Variants in PTPRT observed in about 807,000 individuals in gnomAD.
PTPRT encodes the protein protein tyrosine phosphatase receptor type T, also known as receptor-type tyrosine-protein phosphatase T.
In PTPRT, 56 loss-of-function variants were observed where a neutral mutation model predicts 176.8. The ratio of observed to expected loss-of-function variants is 0.32; its 90% confidence interval spans 0.26 to 0.40. PTPRT has a LOEUF of 0.40. Among genes scored for constraint, PTPRT ranks in the 10% least tolerant of loss-of-function variants. The probability of loss-of-function intolerance (pLI) is 1.00; values close to 1 mark genes in which losing one functional copy is unlikely to be tolerated. For missense variants in PTPRT, 1,540 were observed against 1,908.2 expected, an observed-to-expected ratio of 0.81 and a Z score of 3.60; for synonymous variants, 783 against 739.0, an observed-to-expected ratio of 1.06 and a Z score of -0.96.
chr20:42,579,432 C>G (rs1333012695), intron 7 of PTPRT, among the ~76,000 whole-genome samples: 2 of 152,134 alleles, frequency 1.3e-5, no homozygotes, highest in African/African-American at 4.8e-5. Context: ...CCAGTAATGG[C>G]ATGGCTGGGT....
intron 3 of PTPRT, among the ~76,000 whole-genome samples, chr20:42,781,325 C>G (rs572333131): frequency 6.6e-6 from 1 of 152,242 alleles, no homozygotes; most frequent in African/African-American, 2.4e-5. Flanking sequence ...AACTGCCGCC[C>G]TTTCAACATG....
intron 1 of PTPRT, among the ~76,000 whole-genome samples, chr20:42,959,542 CAG>C (rs1981868269): frequency 6.6e-6 from 1 of 152,136 alleles, no homozygotes; most frequent in Non-Finnish European, 1.5e-5. Context: ...GATGAGAAAA[CAG>C]AGATTCAGAG....
At chr20:42,830,429 G>A (rs1006666020) in intron 2 of PTPRT, among the ~76,000 whole-genome samples, 5 of 152,030 alleles carry the variant, frequency 3.3e-5, no homozygotes, top group Admixed American at 1.3e-4. Flanking sequence ...AATACACTAC[G>A]TATTCAAAGA....
At chr20:42,261,297 C>G (rs1447820007) in intron 13 of PTPRT, among the ~76,000 whole-genome samples, 1 of 152,152 alleles carries the variant, frequency 6.6e-6, no homozygotes, top group Non-Finnish European at 1.5e-5. Flanking sequence ...CCCTATGAGT[C>G]TGTCTTTACA....
At chr20:42,549,686 A>G (rs970318242) in intron 7 of PTPRT, among the ~76,000 whole-genome samples, 4 of 152,166 alleles carry the variant, frequency 2.6e-5, no homozygotes, top group Admixed American at 2.6e-4. Flanking sequence ...GTGTAAACAC[A>G]TGCCCCTCAG....
intron 2 of PTPRT, among the ~76,000 whole-genome samples, chr20:42,799,643 G>A (rs1040313038): frequency 5.9e-5 from 9 of 152,174 alleles, no homozygotes; most frequent in African/African-American, 2.2e-4. Flanking sequence ...GCTCTTTGAT[G>A]TTGGAAATAG....
At chr20:42,840,434 A>G (rs759874148) in intron 2 of PTPRT, among the ~76,000 whole-genome samples, 15 of 151,924 alleles carry the variant, frequency 9.9e-5, no homozygotes, top group Non-Finnish European at 2.1e-4. Context: ...GGTGTGTGAC[A>G]CTGAGTCTCA....
chr20:42,350,829 A>T (rs187458546), intron 10 of PTPRT, 99 bp from the exon 11 acceptor site: 511 of 893,898 alleles, frequency 5.7e-4, no homozygotes, highest in Non-Finnish European at 7.8e-4. Flanking sequence ...GCATGGATAG[A>T]GGGAGGACGT....
In PTPRT at chr20:43,189,612, G is replaced by C. The variant is rs182498075; in HGVS notation, c.88+34C>G. 2,039 of 1,215,660 alleles carry C rather than the reference G, an allele frequency of 1.7e-3. 22 individuals carry two copies. The East Asian group carries it at 0.018, about 11-fold the overall frequency. The allele number at this position is 1,215,660 out of a possible 1,614,324, so 75.3% of individuals were successfully genotyped here. ...GGCCCGCGCGCATCCAGGAGGGAGC[G>C]GGGAGCCCAGGGGAGCCGGGCGGGC... On this transcript the variant is annotated intron_variant, in intron 1 of 30. Coordinates refer to ENST00000373187, the MANE Select transcript of PTPRT (RefSeq NM_007050.6). This position sits in a 1 kb window ranked among gnomAD's most constrained non-coding sequence, Gnocchi z 5.0.
chr20:42,966,574 A>G (rs910475012), intron 1 of PTPRT, among the ~76,000 whole-genome samples: 4 of 152,026 alleles, frequency 2.6e-5, no homozygotes, highest in Non-Finnish European at 4.4e-5. Flanking sequence ...TATAGTAGAA[A>G]CTCTGAGAAC....
intron 16 of PTPRT, among the ~76,000 whole-genome samples, chr20:42,187,027 G>T (rs1990809511): frequency 6.6e-6 from 1 of 152,084 alleles, no homozygotes; most frequent in African/African-American, 2.4e-5. Context: ...ATATAATTAG[G>T]ATATCAACTC....
At chr20:42,884,058 T>C (rs183736402) in intron 2 of PTPRT, among the ~76,000 whole-genome samples, 1 of 152,058 alleles carries the variant, frequency 6.6e-6, no homozygotes, top group Non-Finnish European at 1.5e-5. Flanking sequence ...AGAGCAGATG[T>C]GCTATGTTTA....
intron 6 of PTPRT, among the ~76,000 whole-genome samples, chr20:42,714,980 T>G (rs865859832): frequency 1.3e-5 from 2 of 152,196 alleles, no homozygotes; most frequent in Admixed American, 6.5e-5. Context: ...GGTTGACCAG[T>G]GCTGGGAACC....
intron 11 of PTPRT, among the ~76,000 whole-genome samples, chr20:42,321,879 C>T (rs140239827): frequency 0.021 from 3,211 of 152,164 alleles, 62 homozygotes; most frequent in Non-Finnish European, 0.034. Context: ...GTCAGGAGAT[C>T]GAGACCACGG....
At chr20:42,602,111 T>A (rs2073793212) in intron 7 of PTPRT, among the ~76,000 whole-genome samples, 1 of 152,250 alleles carries the variant, frequency 6.6e-6, no homozygotes, top group African/African-American at 2.4e-5. Flanking sequence ...ATTCCCACTT[T>A]GCCTGAAGTC....
the PTPRT span, among the ~76,000 whole-genome samples, chr20:42,041,746 T>C: frequency 3.3e-5 from 5 of 152,208 alleles, no homozygotes; most frequent in Non-Finnish European, 7.3e-5. Context: ...ATAGATAAAT[T>C]AATATTTGTA....
intron 16 of PTPRT, among the ~76,000 whole-genome samples, chr20:42,167,594 A>G (rs540051313): frequency 2.6e-5 from 4 of 152,274 alleles, no homozygotes; most frequent in South Asian, 2.1e-4. Context: ...GAGTATGAAG[A>G]GTGATGTGTA....
At chr20:42,869,772 G>A (rs778216660) in intron 2 of PTPRT, among the ~76,000 whole-genome samples, 1 of 152,182 alleles carries the variant, frequency 6.6e-6, no homozygotes, top group Non-Finnish European at 1.5e-5. Flanking sequence ...GGAGGAGAAC[G>A]CTGTGGCTTA....
intron 1 of PTPRT, among the ~76,000 whole-genome samples, chr20:43,131,989 G>GCTTA (rs1568803647): frequency 1.3e-5 from 2 of 151,806 alleles, no homozygotes; most frequent in Non-Finnish European, 2.9e-5. Context: ...TAGAACTCTT[G>GCTTA]CTTAACTCAA....
Sources: gnomAD v4.1 joint callset for allele counts (sites outside exome capture counted in the v4.1 genomes callset) on GRCh38, gnomAD v4.1.1 for gene constraint, Gnocchi (gnomAD v3.1) non-coding constraint, MANE v1.5 for transcripts, NCBI Gene and HGNC (gene_info 2026-07-23, HGNC 2026-07-21) for gene names.